The following FNBP1L variants were observed in gnomAD, a reference collection of about 807,000 sequenced individuals.
FNBP1L encodes the protein formin-binding protein 1-like.
Under a neutral mutation model 91.2 loss-of-function variants are expected in FNBP1L, and 36 were observed. That is an observed-to-expected ratio of 0.39 (90% CI 0.30 to 0.52). FNBP1L has a LOEUF of 0.52. FNBP1L is among the 20% of genes least tolerant of loss of function. The probability of loss-of-function intolerance (pLI) is 0.66; values close to 1 mark genes in which losing one functional copy is unlikely to be tolerated. For missense variants in FNBP1L, 571 were observed against 732.1 expected (o/e 0.78, Z 2.54); for synonymous variants, 242 against 237.0 (o/e 1.02, Z -0.19).
At chr1:93,540,442 T>G (rs909954078) in intron 10 of FNBP1L, among the ~76,000 whole-genome samples, 1 of 152,152 alleles carries the variant, frequency 6.6e-6, no homozygotes, top group African/African-American at 2.4e-5. Flanking sequence ...TACGGGAAAC[T>G]TGAATCTGGA....
chr1:93,473,023 T>TA (rs903042016), intron 1 of FNBP1L, among the ~76,000 whole-genome samples: 10 of 152,230 alleles, frequency 6.6e-5, no homozygotes, highest in African/African-American at 2.2e-4. Context: ...CTAGAAAACT[T>TA]AAAGTCAGAT....
intron 1 of FNBP1L, among the ~76,000 whole-genome samples, chr1:93,470,872 CAAAA>C (rs560465033): frequency 2.6e-5 from 2 of 76,240 alleles, no homozygotes; most frequent in Non-Finnish European, 5.3e-5. Context: ...GACTCCATCT[CAAAA>C]AAAAAAAAAA....
At chr1:93,510,118 A>T (rs1049721226) in intron 2 of FNBP1L, among the ~76,000 whole-genome samples, 6 of 152,216 alleles carry the variant, frequency 3.9e-5, no homozygotes, top group African/African-American at 1.4e-4. Context: ...CCACAGCTCA[A>T]GGAGGCCTGC....
chr1:93,470,546 T>C (rs900033792), intron 1 of FNBP1L, among the ~76,000 whole-genome samples: 2 of 152,178 alleles, frequency 1.3e-5, no homozygotes, highest in Admixed American at 6.5e-5. Flanking sequence ...AGCTTTCTTA[T>C]GTTGTTAGAT....
At chr1:93,522,422 A>G (rs917624802) in intron 3 of FNBP1L, among the ~76,000 whole-genome samples, 1 of 152,198 alleles carries the variant, frequency 6.6e-6, no homozygotes, top group African/African-American at 2.4e-5. Context: ...GATATTTTTC[A>G]TACTTGGTTG....
intron 1 of FNBP1L, among the ~76,000 whole-genome samples, chr1:93,495,156 T>A (rs574278671): frequency 6.6e-6 from 1 of 152,322 alleles, no homozygotes; most frequent in African/African-American, 2.4e-5. Context: ...CAAATACTCT[T>A]AGGCCACATG....
chr1:93,536,788 A>T (rs1374001679), intron 10 of FNBP1L, among the ~76,000 whole-genome samples: 2 of 152,066 alleles, frequency 1.3e-5, no homozygotes, highest in Non-Finnish European at 2.9e-5. Context: ...TACATTTTTA[A>T]GACTTTCAGT....
chr1:93,539,848 A>G (rs1272911065), intron 10 of FNBP1L, among the ~76,000 whole-genome samples: 1 of 152,076 alleles, frequency 6.6e-6, no homozygotes, highest in Admixed American at 6.6e-5. Context: ...GCAGTGACCA[A>G]CTCATCAGAG....
chr1:93,455,819 C>A (rs556146607), intron 1 of FNBP1L, among the ~76,000 whole-genome samples: 2 of 152,370 alleles, frequency 1.3e-5, no homozygotes, highest in South Asian at 4.1e-4. Flanking sequence ...GTTAGTGTTA[C>A]AGATAATTTT....
intron 1 of FNBP1L, among the ~76,000 whole-genome samples, chr1:93,496,379 A>C (rs564696785): frequency 1.1e-3 from 169 of 151,342 alleles, no homozygotes; most frequent in African/African-American, 3.9e-3. Context: ...TCCGCCTTTC[A>C]CCTGGCTAAT....
At chr1:93,480,371 A>T (rs1669655374) in intron 1 of FNBP1L, among the ~76,000 whole-genome samples, 1 of 152,214 alleles carries the variant, frequency 6.6e-6, no homozygotes. Flanking sequence ...CAAAAATTTT[A>T]ACTTTCACAA....
At chr1:93,466,924 C>G (rs1269334760) in intron 1 of FNBP1L, among the ~76,000 whole-genome samples, 2 of 152,168 alleles carry the variant, frequency 1.3e-5, no homozygotes, top group African/African-American at 4.8e-5. Context: ...GTGGTGCAAT[C>G]TTGCTCACTG....
intron 11 of FNBP1L, among the ~76,000 whole-genome samples, chr1:93,543,142 T>G (rs1006074359): frequency 1.3e-5 from 2 of 152,184 alleles, no homozygotes; most frequent in African/African-American, 2.4e-5. Context: ...GTGACAGGCA[T>G]CATCAATTTC....
At chr1:93,545,439 A>G (rs1672190504) in intron 12 of FNBP1L, among the ~76,000 whole-genome samples, 1 of 152,154 alleles carries the variant, frequency 6.6e-6, no homozygotes, top group Non-Finnish European at 1.5e-5. Context: ...AGAAATGTGA[A>G]TGTTCTTGCC....
At chr1:93,458,824 G>A (rs956207938) in intron 1 of FNBP1L, among the ~76,000 whole-genome samples, 17 of 152,254 alleles carry the variant, frequency 1.1e-4, no homozygotes, top group African/African-American at 4.1e-4. Context: ...TGTTCTAATT[G>A]TTCTCTTTTA....
chr1:93,476,457 A>G (rs1164307767), intron 1 of FNBP1L, among the ~76,000 whole-genome samples: 1 of 152,204 alleles, frequency 6.6e-6, no homozygotes, highest in African/African-American at 2.4e-5. Context: ...TAATTCAACA[A>G]ATAATTGAAT....
At chr1:93,468,595 T>G (rs1043668003) in intron 1 of FNBP1L, among the ~76,000 whole-genome samples, 1 of 152,126 alleles carries the variant, frequency 6.6e-6, no homozygotes, top group Non-Finnish European at 1.5e-5. Context: ...GACGCCTGGC[T>G]AATTTTTATA....
At chr1:93,532,338 G>A (rs900744883) in intron 7 of FNBP1L, among the ~76,000 whole-genome samples, 3 of 151,860 alleles carry the variant, frequency 2.0e-5, no homozygotes, top group Non-Finnish European at 2.9e-5. Context: ...ATGGTGGCAC[G>A]TGCCTGTAGT....
At position 93,461,453 on chromosome 1, in the gene FNBP1L, A is replaced by G. The variant is rs1378656712; in HGVS notation, c.24+13148A>G. On this transcript the variant is annotated intron_variant, in intron 1 of 16. Coordinates refer to ENST00000271234, the MANE Select transcript of FNBP1L (RefSeq NM_001164473.3). ...ACTGGCGTGGGTTCACGAGATCAAC[A>G]CTCTCAGAGTCAGCATATGTGCAAT... is the stretch of plus-strand genomic sequence containing the variant. Among the ~76,000 whole-genome samples the G allele has an allele frequency of 2.6e-5, 4 of 152,080 alleles. 1 individual carries two copies. The highest frequency in any genetic ancestry group is 9.7e-5 in the African/African-American group (4 of 41,404).
Sources: allele counts gnomAD v4.1 joint callset (sites outside exome capture counted in the v4.1 genomes callset), GRCh38; gene constraint gnomAD v4.1.1; transcripts MANE v1.5; gene names NCBI Gene and HGNC (gene_info 2026-07-23, HGNC 2026-07-21).